Variants in CYP4B1 observed in about 807,000 individuals in gnomAD.
The protein encoded by CYP4B1 is cytochrome P450 family 4 subfamily B member 1.
In CYP4B1, 45 loss-of-function variants were observed where a neutral mutation model predicts 54.0. The ratio of observed to expected loss-of-function variants is 0.83; its 90% confidence interval spans 0.66 to 1.07. The LOEUF (loss-of-function observed/expected upper bound fraction) is 1.07, where lower values mean the gene tolerates loss of function less well. CYP4B1 is among the 50% of genes least tolerant of loss of function. The pLI, the probability that CYP4B1 is intolerant of heterozygous loss-of-function variation, is 0.00. For missense variants in CYP4B1, 656 were observed against 655.4 expected (o/e 1.00, Z -0.01); for synonymous variants, 248 against 247.5 (o/e 1.00, Z -0.02).
At chr1:46,804,886 A>C (rs1569863115) in intron 1 of CYP4B1, among the ~76,000 whole-genome samples, 1 of 151,656 alleles carries the variant, frequency 6.6e-6, no homozygotes, top group Non-Finnish European at 1.5e-5. Flanking sequence ...TTCCTGACCC[A>C]CCCCCATCCA....
At chr1:46,812,407 G>T in intron 3 of CYP4B1, 89 bp from the exon 4 acceptor site, 1 of 1,472,096 alleles carries the variant, frequency 6.8e-7, no homozygotes, top group Non-Finnish European at 9.2e-7. Context: ...AGGGTTCCAG[G>T]CTCAGGGATG....
intron 3 of CYP4B1, 43 bp downstream of exon 3, chr1:46,811,227 C>G (rs373111523): frequency 6.2e-7 from 1 of 1,600,430 alleles, no homozygotes; most frequent in Non-Finnish European, 8.6e-7. Flanking sequence ...ACCTCAGACC[C>G]GTGGTGCTGG....
intron 4 of CYP4B1, among the ~76,000 whole-genome samples, chr1:46,813,126 C>T (rs1679178237): frequency 6.6e-6 from 1 of 152,168 alleles, no homozygotes; most frequent in Non-Finnish European, 1.5e-5. Context: ...AGTCTTTCCC[C>T]TTGTAGGAAA....
At chr1:46,800,327 C>CTT (rs1307609734) in intron 1 of CYP4B1, among the ~76,000 whole-genome samples, 14 of 105,602 alleles carry the variant, frequency 1.3e-4, no homozygotes, top group East Asian at 3.0e-4. Context: ...TTCTCTCTCT[C>CTT]TCTTTCTTTC....
At chr1:46,808,606 C>T (rs1465120720) in intron 1 of CYP4B1, among the ~76,000 whole-genome samples, 2 of 151,922 alleles carry the variant, frequency 1.3e-5, no homozygotes, top group East Asian at 3.9e-4. Context: ...GCCTGCAGCC[C>T]TCCCATTACT....
chr1:46,807,213 C>T (rs979690303), intron 1 of CYP4B1, among the ~76,000 whole-genome samples: 4 of 152,132 alleles, frequency 2.6e-5, no homozygotes, highest in Non-Finnish European at 5.9e-5. Context: ...GCTGCGACCT[C>T]GATCAGGGCA....
At position 46,807,489 on chromosome 1, in the gene CYP4B1, C is replaced by G. The variant is rs530988525; in HGVS notation, c.181-3319C>G. Among the ~76,000 whole-genome samples the G allele has an allele frequency of 3.3e-5, 5 of 152,160 alleles. No homozygotes were observed. In the East Asian group the frequency reaches 9.7e-4, roughly 29 times the overall value. On this transcript the variant is annotated intron_variant, in intron 1 of 11. Transcript: ENST00000371923. ...GTGACCAGGAAGTTGGCAAGGAAAACCCAGGAGGGCAGATGGAAAAATAAG... is the reference window on the plus strand; with the variant it reads ...GTGACCAGGAAGTTGGCAAGGAAAAGCCAGGAGGGCAGATGGAAAAATAAG...
intron 1 of CYP4B1, among the ~76,000 whole-genome samples, chr1:46,805,340 A>G: frequency 6.6e-6 from 1 of 152,210 alleles, no homozygotes; most frequent in East Asian, 1.9e-4. Context: ...AGGCTTTGGA[A>G]TCTAAAGACT....
chr1:46,815,913 A>G (rs1569912245), intron 8 of CYP4B1, among the ~76,000 whole-genome samples: 1 of 152,060 alleles, frequency 6.6e-6, no homozygotes, highest in African/African-American at 2.4e-5. Context: ...GTGGTCAGAC[A>G]ACCTGCCTTT....
At position 46,799,194 on chromosome 1, in the gene CYP4B1, C is replaced by T. The variant is rs1314239399; in HGVS notation, c.113C>T (p.Thr38Met). 13 of 1,609,928 alleles carry T rather than the reference C, an allele frequency of 8.1e-6. No individual in the cohort carries two copies. The highest frequency in any genetic ancestry group is 3.4e-5 in the Admixed American group (2 of 59,382). The change falls in exon 1 of 12, where the codon ACG (threonine) becomes ATG (methionine). Residue 38 changes from threonine (T) to methionine (M), a missense_variant. Coordinates refer to ENST00000371923, the MANE Select transcript of CYP4B1 (RefSeq NM_001099772.2). Reference sequence around the variant, plus strand: ...ATCCACCTGCTGCTGCGGAGGCAGACGTTGGCTAAGGCTATGGACAAATTC... The same window carrying T: ...ATCCACCTGCTGCTGCGGAGGCAGATGTTGGCTAAGGCTATGGACAAATTC... The part of the protein sequence containing the change: ...KLIHLLLRRQ[T>M]LAKAMDKFPG...
In CYP4B1 at chr1:46,813,494, G is replaced by T. The variant is rs746801952; in HGVS notation, c.508G>T (p.Glu170Ter). 3 of 1,614,188 alleles carry T rather than the reference G, an allele frequency of 1.9e-6. No individual in the cohort carries two copies. The highest frequency in any genetic ancestry group is 2.2e-5 in the South Asian group (2 of 91,082). The change falls in exon 5 of 12, where the codon GAG (glutamate) becomes TAG (stop). Residue 170 changes from glutamate to a stop codon, truncating the protein, a stop_gained. Coordinates refer to ENST00000371923, the MANE Select transcript of CYP4B1 (RefSeq NM_001099772.2). LOFTEE classifies it high-confidence loss of function. ...CCCTGGACTCCAGGACAAGTGGGAA[G>T]AGAAAGCTCGGGAGGGTAAGTCCTT... ...STRIMLDKWE[E>*]KAREGKSFDI... is the part of the protein sequence containing the mutation.
At chr1:46,806,564 G>A (rs572211698) in intron 1 of CYP4B1, among the ~76,000 whole-genome samples, 3 of 152,298 alleles carry the variant, frequency 2.0e-5, no homozygotes, top group South Asian at 2.1e-4. Flanking sequence ...CCTTTAAAGA[G>A]AGGTCAGGGT....
intron 1 of CYP4B1, among the ~76,000 whole-genome samples, chr1:46,807,597 GGTGGAGAT>G (rs1279560478): frequency 6.6e-6 from 1 of 152,232 alleles, no homozygotes; most frequent in East Asian, 1.9e-4. Flanking sequence ...CTTGCCTGTG[GGTGGAGAT>G]GATTTTTATC....
At position 46,818,821 on chromosome 1, in the gene CYP4B1, T is replaced by C; in HGVS notation, c.*7T>C. 1 of 1,613,902 alleles carries C rather than the reference T, an allele frequency of 6.2e-7. No homozygotes were observed. Among genetic ancestry groups the C allele is most frequent in the Non-Finnish European group, 8.5e-7 (1 of 1,179,900 alleles). On this transcript the variant is annotated 3_prime_UTR_variant, in exon 12 of 12. Transcript: ENST00000371923. ...CCCTGGGTCTGGGAAGTAGCTCTGATGAGAATGGGGTCCCAGATGGCTCAG... is the reference window on the plus strand; with the variant it reads ...CCCTGGGTCTGGGAAGTAGCTCTGACGAGAATGGGGTCCCAGATGGCTCAG...
Position 46,818,197 on chromosome 1 carries a change from T to A in CYP4B1, c.1339T>A (p.Phe447Ile). The A allele has an allele frequency of 6.2e-7, 1 of 1,614,050 alleles. No homozygotes were observed. Among genetic ancestry groups the A allele is most frequent in the Non-Finnish European group, 8.5e-7 (1 of 1,179,920 alleles). ...ACGCCATCCCTTTGCCTTTATGCCC[T>A]TCTCTGCTGGGCCCAGGTATGGAGA... ...SKRHPFAFMP[F>I]SAGPRNCIGQ... Residue 447 changes from phenylalanine to isoleucine, a missense_variant, in exon 11 of 12, where the codon TTC (phenylalanine) becomes ATC (isoleucine). Physicochemically the swap from Phe to Ile is conservative, Grantham distance 21. Coordinates refer to ENST00000371923, the MANE Select transcript of CYP4B1 (RefSeq NM_001099772.2).
chr1:46,805,409 G>A (rs1489720501), intron 1 of CYP4B1, among the ~76,000 whole-genome samples: 2 of 152,226 alleles, frequency 1.3e-5, no homozygotes, highest in East Asian at 3.9e-4. Context: ...CCTAGCCAAG[G>A]CATGGTGGCT....
At chr1:46,814,823 C>T in intron 7 of CYP4B1, 1 of 395,614 alleles carries the variant, frequency 2.5e-6, no homozygotes, top group South Asian at 4.0e-5. Context: ...GCCCAGTGAG[C>T]AGAACAGTCA....
chr1:46,811,097 G>GGT, intron 2 of CYP4B1, 43 bp from the exon 3 acceptor site: 2 of 1,613,120 alleles, frequency 1.2e-6, no homozygotes, highest in Non-Finnish European at 1.7e-6. Flanking sequence ...GCCTCCTCTA[G>GGT]GAACCCCGGG....
chr1:46,803,184 A>C (rs560821810), intron 1 of CYP4B1, among the ~76,000 whole-genome samples: 1 of 152,328 alleles, frequency 6.6e-6, no homozygotes, highest in South Asian at 2.1e-4. Context: ...GCTCAGACTT[A>C]TGTTTTAGAA....
Sources: allele counts gnomAD v4.1 joint callset (sites outside exome capture counted in the v4.1 genomes callset), GRCh38; gene constraint gnomAD v4.1.1; transcripts MANE v1.5; gene names NCBI Gene and HGNC (gene_info 2026-07-23, HGNC 2026-07-21).